The following GRK5 variants were observed in gnomAD, a reference collection of about 807,000 sequenced individuals.
GRK5 encodes the protein G protein-coupled receptor kinase 5.
A neutral mutation model predicts 78.4 loss-of-function variants in GRK5; 40 were observed. That is an observed-to-expected ratio of 0.51 (90% CI 0.40 to 0.66). GRK5 has a LOEUF of 0.66. Ranked by LOEUF, GRK5 falls within the 30% of genes least tolerant of loss-of-function variation. GRK5 has a pLI of 0.00. For missense variants in GRK5, 598 were observed against 759.9 expected (o/e 0.79, Z 2.50); for synonymous variants, 289 against 296.8 (o/e 0.97, Z 0.27).
At chr10:119,260,226 C>T (rs1293514800) in intron 1 of GRK5, among the ~76,000 whole-genome samples, 1 of 152,144 alleles carries the variant, frequency 6.6e-6, no homozygotes, top group Non-Finnish European at 1.5e-5. Flanking sequence ...TGGTCTCGAT[C>T]TCCTGACCTC....
At chr10:119,227,209 G>A (rs1421949686) in intron 1 of GRK5, among the ~76,000 whole-genome samples, 1 of 152,042 alleles carries the variant, frequency 6.6e-6, no homozygotes, top group Admixed American at 6.6e-5. Context: ...TGATCACAGA[G>A]ACCAAATAAA....
At chr10:119,410,054 C>T (rs930508143) in intron 4 of GRK5, among the ~76,000 whole-genome samples, 30 of 152,392 alleles carry the variant, frequency 2.0e-4, no homozygotes, top group South Asian at 1.0e-3. Context: ...CCCCCGCGTG[C>T]GCGGCCTGTG....
At chr10:119,418,203 C>A (rs1001199672) in intron 4 of GRK5, among the ~76,000 whole-genome samples, 2 of 152,294 alleles carry the variant, frequency 1.3e-5, no homozygotes, top group East Asian at 3.9e-4. Context: ...AGGGCAGGTT[C>A]TTTTACCTCC....
chr10:119,264,211 C>T lies in GRK5; in HGVS notation c.52+56242C>T, dbSNP rs898139688. Among the ~76,000 whole-genome samples the T allele has an allele frequency of 6.6e-6, 1 of 152,216 alleles. No homozygotes were observed. The highest frequency in any genetic ancestry group is 1.5e-5 in the Non-Finnish European group (1 of 68,046). On this transcript the variant is annotated intron_variant, in intron 1 of 15. Coordinates refer to ENST00000392870, the MANE Select transcript of GRK5 (RefSeq NM_005308.3). The surrounding 1 kb of genome is among the most constrained non-coding windows in gnomAD (Gnocchi z 4.1). ...TGTGTAATTTTGCAGCCTGGTTCTG[C>T]TCAGTTCCAGCAAGGTGACTGTCAT...
At chr10:119,314,917 A>G (rs1850457877) in intron 1 of GRK5, among the ~76,000 whole-genome samples, 1 of 152,192 alleles carries the variant, frequency 6.6e-6, no homozygotes. Flanking sequence ...GGACCCAGGC[A>G]GGGGCTGGCT....
At position 119,430,568 on chromosome 10, in the gene GRK5, G is replaced by T; in HGVS notation, c.597+130G>T. On this transcript the variant is annotated intron_variant, in intron 7 of 15. Transcript: ENST00000392870. The surrounding 1 kb of genome is among the most constrained non-coding windows in gnomAD (Gnocchi z 4.5). ...CACCAGTGGCTCAATGTGGGCCCCGGGGGCAGTGAGGGTGGGAGAGAGTCA... is the reference window on the plus strand; with the variant it reads ...CACCAGTGGCTCAATGTGGGCCCCGTGGGCAGTGAGGGTGGGAGAGAGTCA... 1 of 703,176 alleles carries T rather than the reference G, an allele frequency of 1.4e-6. No homozygotes were observed. 43.6% of individuals were successfully genotyped at this position (703,176 alleles called of 1,614,324 possible). A position where few individuals can be genotyped will look rare whatever the true frequency, so the allele number is the denominator to read the frequency against.
chr10:119,275,579 G>A (rs1025725154), intron 1 of GRK5, among the ~76,000 whole-genome samples: 15 of 145,328 alleles, frequency 1.0e-4, no homozygotes, highest in East Asian at 2.1e-4. Context: ...ATGCTTGTGC[G>A]TGTGCACGCT....
intron 1 of GRK5, among the ~76,000 whole-genome samples, chr10:119,274,868 T>C (rs1430494575): frequency 6.6e-6 from 1 of 152,234 alleles, no homozygotes. Flanking sequence ...ACTTGTGGCC[T>C]GTAAGTACCT....
intron 2 of GRK5, among the ~76,000 whole-genome samples, chr10:119,344,298 T>C (rs1478020239): frequency 3.3e-5 from 5 of 152,142 alleles, no homozygotes; most frequent in Non-Finnish European, 2.9e-5. Flanking sequence ...TCATTTACAT[T>C]AGGTATATCT....
At chr10:119,416,558 C>T (rs1323903066) in intron 4 of GRK5, among the ~76,000 whole-genome samples, 1 of 151,290 alleles carries the variant, frequency 6.6e-6, no homozygotes, top group South Asian at 2.1e-4. Flanking sequence ...CTCTCTAGGG[C>T]TCCCTCTCGA....
intron 12 of GRK5, among the ~76,000 whole-genome samples, chr10:119,447,325 A>G (rs947631182): frequency 2.6e-5 from 4 of 151,868 alleles, no homozygotes; most frequent in African/African-American, 9.7e-5. Flanking sequence ...CCGCCACCTG[A>G]CCTGGCCTTC....
At chr10:119,376,687 C>T (rs1337598294) in intron 2 of GRK5, among the ~76,000 whole-genome samples, 1 of 151,954 alleles carries the variant, frequency 6.6e-6, no homozygotes, top group Non-Finnish European at 1.5e-5. Flanking sequence ...GCCTCAGCCT[C>T]CCAAGTAGCT....
intron 15 of GRK5, among the ~76,000 whole-genome samples, chr10:119,454,451 C>G (rs895334982): frequency 1.3e-5 from 2 of 152,208 alleles, no homozygotes; most frequent in African/African-American, 4.8e-5. Flanking sequence ...CTCCTCCTCC[C>G]CTCTGCAACA....
Position 119,375,333 on chromosome 10 carries a change from C to G in GRK5, c.149-5482C>G, listed in dbSNP as rs146764395. Reference sequence around the variant, plus strand: ...AAGCCCCATTCTCTCTGGCTTTGACCTTTTTCCCTCTTCTTCACCTGGACT... The same window carrying G: ...AAGCCCCATTCTCTCTGGCTTTGACGTTTTTCCCTCTTCTTCACCTGGACT... On this transcript the variant is annotated intron_variant, in intron 2 of 15. Coordinates refer to ENST00000392870, the MANE Select transcript of GRK5 (RefSeq NM_005308.3). Among the ~76,000 whole-genome samples, 368 of 152,272 alleles carry G rather than the reference C, an allele frequency of 2.4e-3. 5 individuals are homozygous for G. Among genetic ancestry groups the G allele is most frequent in the African/African-American group, 8.7e-3 (362 of 41,562 alleles).
intron 8 of GRK5, among the ~76,000 whole-genome samples, chr10:119,433,671 A>G (rs1852864897): frequency 6.6e-6 from 1 of 152,218 alleles, no homozygotes; most frequent in African/African-American, 2.4e-5. Flanking sequence ...CGGCACAGCC[A>G]GTTCCCAGCC....
rs1853417034 is a variant in GRK5, at chr10:119,457,442, A to G, written c.*2375A>G. The G allele has an allele frequency of 6.6e-6, 1 of 152,202 alleles. No homozygotes were observed. The highest frequency in any genetic ancestry group is 1.9e-4 in the East Asian group (1 of 5,202). The allele number at this position is 152,202 out of a possible 1,614,324, so 9.4% of individuals were successfully genotyped here. Reference sequence around the variant, plus strand: ...ACCACAAGGCCTGCACGTGGACTCTATGATAACTTGAGTCTTCCATCATGT... The same window carrying G: ...ACCACAAGGCCTGCACGTGGACTCTGTGATAACTTGAGTCTTCCATCATGT... On this transcript the variant is annotated 3_prime_UTR_variant, in exon 16 of 16. Coordinates refer to ENST00000392870, the MANE Select transcript of GRK5 (RefSeq NM_005308.3).
At chr10:119,419,770 A>T (rs576813278) in intron 4 of GRK5, among the ~76,000 whole-genome samples, 1 of 152,308 alleles carries the variant, frequency 6.6e-6, no homozygotes, top group East Asian at 1.9e-4. Context: ...AGGAGGGTCA[A>T]ATTCTGCTTT....
chr10:119,295,815 G>A (rs970721022), intron 1 of GRK5, among the ~76,000 whole-genome samples: 7 of 152,056 alleles, frequency 4.6e-5, no homozygotes, highest in Non-Finnish European at 7.4e-5. Context: ...GAAGGGTGGG[G>A]GGTGGTGGGG....
chr10:119,338,594 G>A (rs1203926919), intron 2 of GRK5, among the ~76,000 whole-genome samples: 1 of 152,090 alleles, frequency 6.6e-6, no homozygotes, highest in Non-Finnish European at 1.5e-5. Context: ...GTGAGTGTCA[G>A]GCATGGTGGA....
Sources: allele counts gnomAD v4.1 joint callset (sites outside exome capture counted in the v4.1 genomes callset), GRCh38; gene constraint gnomAD v4.1.1; non-coding constraint Gnocchi (gnomAD v3.1); transcripts MANE v1.5; gene names NCBI Gene and HGNC (gene_info 2026-07-23, HGNC 2026-07-21).